The following PTPRD variants were observed in gnomAD, a reference collection of about 807,000 sequenced individuals.
The protein encoded by PTPRD is protein tyrosine phosphatase receptor type D, also known as receptor-type tyrosine-protein phosphatase delta.
A neutral mutation model predicts 214.5 loss-of-function variants in PTPRD; 34 were observed. The observed-to-expected ratio is 0.16, with a 90% CI of 0.12 to 0.21. The LOEUF is 0.21. PTPRD is among the 10% of genes least tolerant of loss of function. PTPRD has a pLI of 1.00. For synonymous variants in PTPRD, 1,128 were observed against 845.7 expected (o/e 1.33, Z -5.79); for missense variants, 2,545 against 2,398.7 (o/e 1.06, Z -1.27).
chr9:10,060,219 C>A (rs1024501602), intron 3 of PTPRD, among the ~76,000 whole-genome samples: 1 of 151,956 alleles, frequency 6.6e-6, no homozygotes, highest in African/African-American at 2.4e-5. Context: ...GTCCCAATTT[C>A]ATATATGCGT....
chr9:9,421,501 G>T (rs1313893550), intron 8 of PTPRD, among the ~76,000 whole-genome samples: 1 of 152,008 alleles, frequency 6.6e-6, no homozygotes, highest in East Asian at 1.9e-4. Flanking sequence ...CTCACCTGTG[G>T]TACTGCCAAT....
intron 14 of PTPRD, among the ~76,000 whole-genome samples, chr9:8,554,146 C>G (rs887867703): frequency 6.6e-6 from 1 of 152,122 alleles, no homozygotes; most frequent in East Asian, 1.9e-4. Flanking sequence ...CAAGATCATG[C>G]CATTGCATTC....
At position 9,947,565 on chromosome 9, in the gene PTPRD, T is replaced by A. The variant is rs1341900406; in HGVS notation, c.-471-8955A>T. On this transcript the variant is annotated intron_variant, in intron 4 of 45. Transcript: ENST00000381196. The stretch of plus-strand genomic sequence containing the variant: ...TAATATATATATTATATATATATTT[T>A]ATATATATATTATATATATATTATA... 1.0e-3 allele frequency among the ~76,000 whole-genome samples: 37 copies of A among 37,124 alleles called. 2 individuals are homozygous for A. The South Asian group carries it at 0.019, about 19-fold the overall frequency. 24.4% of individuals were successfully genotyped at this position (37,124 alleles called of 152,430 possible).
rs397768698 is a variant in PTPRD, at chr9:10,289,037, T to TA, written c.-545+51925dup. Among the ~76,000 whole-genome samples the TA allele has an allele frequency of 1.9e-3, 288 of 148,912 alleles. 3 individuals carry two copies. The highest frequency in any genetic ancestry group is 0.014 in the Middle Eastern group (4 of 292). On this transcript the variant is annotated intron_variant, in intron 3 of 45. Coordinates refer to ENST00000381196, the MANE Select transcript of PTPRD (RefSeq NM_002839.4). ...TAAGATGGAGAGTTTTTTTTTTTTT[T>TA]ATTTCTTTTTGTTTCTCTTTTATAT...
chr9:8,696,467 A>G (rs555098163), intron 12 of PTPRD, among the ~76,000 whole-genome samples: 31 of 152,214 alleles, frequency 2.0e-4, no homozygotes, highest in Admixed American at 1.3e-4. Context: ...ACAAGTAATC[A>G]CTGAGCAATC....
intron 10 of PTPRD, among the ~76,000 whole-genome samples, chr9:9,035,592 C>T (rs574344113): frequency 5.3e-5 from 8 of 151,672 alleles, no homozygotes; most frequent in Non-Finnish European, 1.0e-4. Flanking sequence ...CTGGATACAC[C>T]CAGTTAGCTA....
chr9:9,972,412 G>C (rs1258195536), intron 4 of PTPRD, among the ~76,000 whole-genome samples: 4 of 152,114 alleles, frequency 2.6e-5, no homozygotes, highest in African/African-American at 9.7e-5. Flanking sequence ...TGACAGTAAG[G>C]CTATGGCGAA....
chr9:9,216,426 G>A (rs1292706065), intron 9 of PTPRD, among the ~76,000 whole-genome samples: 1 of 152,114 alleles, frequency 6.6e-6, no homozygotes, highest in African/African-American at 2.4e-5. Flanking sequence ...ATGTAATCCT[G>A]AGCCTAGGAA....
At chr9:9,998,123 A>T (rs867790985) in intron 4 of PTPRD, among the ~76,000 whole-genome samples, 9,660 of 47,604 alleles carry the variant, frequency 0.2, 598 homozygotes, top group Non-Finnish European at 0.24. Flanking sequence ...AATAAAAAAA[A>T]AAAAAAATAT....
intron 5 of PTPRD, among the ~76,000 whole-genome samples, chr9:9,933,933 G>A (rs202006704): frequency 0.53 from 73,860 of 139,038 alleles, 22,364 homozygotes; most frequent in East Asian, 0.9. Context: ...CTCACTCAAA[G>A]CTGCTCAACT....
chr9:10,531,791 T>C (rs1271524752), intron 2 of PTPRD, among the ~76,000 whole-genome samples: 1 of 152,214 alleles, frequency 6.6e-6, no homozygotes, highest in Non-Finnish European at 1.5e-5. Context: ...ATTGTAGCTT[T>C]GCTGCAATAA....
intron 11 of PTPRD, among the ~76,000 whole-genome samples, chr9:8,803,225 G>A (rs923769799): frequency 6.6e-6 from 1 of 152,040 alleles, no homozygotes; most frequent in African/African-American, 2.4e-5. Context: ...ACATCTGAAA[G>A]TGTTTGTGAA....
intron 3 of PTPRD, among the ~76,000 whole-genome samples, chr9:10,100,846 T>C (rs1271582247): frequency 6.6e-6 from 1 of 151,406 alleles, no homozygotes; most frequent in Non-Finnish European, 1.5e-5. Context: ...CTTAAATCTA[T>C]TAGGAAACTT....
At chr9:8,621,477 C>A (rs993563717) in intron 14 of PTPRD, among the ~76,000 whole-genome samples, 2 of 151,824 alleles carry the variant, frequency 1.3e-5, no homozygotes, top group African/African-American at 2.4e-5. Context: ...AAACCCCAGT[C>A]GTACTGGGCA....
At chr9:9,927,847 T>C (rs1189803280) in intron 5 of PTPRD, among the ~76,000 whole-genome samples, 2 of 152,238 alleles carry the variant, frequency 1.3e-5, no homozygotes, top group East Asian at 3.9e-4. Context: ...GTCATTTGCA[T>C]TTTCTTGAGA....
At chr9:10,135,975 T>C (rs1819085737) in intron 3 of PTPRD, among the ~76,000 whole-genome samples, 1 of 150,248 alleles carries the variant, frequency 6.7e-6, no homozygotes, top group Admixed American at 6.7e-5. Context: ...AACCAGCTAT[T>C]GCCTTCAAGA....
intron 2 of PTPRD, among the ~76,000 whole-genome samples, chr9:10,361,558 A>T (rs991220789): frequency 6.6e-6 from 1 of 152,158 alleles, no homozygotes; most frequent in Non-Finnish European, 1.5e-5. Flanking sequence ...TGTGTCTACT[A>T]TACACCCGAA....
At chr9:10,044,585 A>C (rs971208692) in intron 3 of PTPRD, among the ~76,000 whole-genome samples, 7 of 151,804 alleles carry the variant, frequency 4.6e-5, no homozygotes, top group African/African-American at 1.7e-4. Flanking sequence ...TTCATTTCTC[A>C]GTGTTCTCAA....
intron 8 of PTPRD, among the ~76,000 whole-genome samples, chr9:9,503,328 G>A (rs1590055464): frequency 1.3e-5 from 2 of 151,004 alleles, no homozygotes; most frequent in Admixed American, 1.3e-4. Context: ...TTGAATCACA[G>A]CACATCATTT....
Sources: allele counts gnomAD v4.1 joint callset (sites outside exome capture counted in the v4.1 genomes callset), GRCh38; gene constraint gnomAD v4.1.1; transcripts MANE v1.5; gene names NCBI Gene and HGNC (gene_info 2026-07-23, HGNC 2026-07-21).